The following R3HDM2 variants were observed in gnomAD, a reference collection of about 807,000 sequenced individuals.
R3HDM2 encodes the protein R3H domain-containing protein 2.
R3HDM2 carries 38 observed loss-of-function variants against 124.5 expected under a neutral mutation model. The observed-to-expected ratio is 0.31, with a 90% CI of 0.24 to 0.40. The LOEUF is 0.40. Ranked by LOEUF, R3HDM2 falls within the 10% of genes least tolerant of loss-of-function variation. R3HDM2 has a pLI of 1.00. For missense variants in R3HDM2, 869 were observed against 1,236.9 expected, an observed-to-expected ratio of 0.70 and a Z score of 4.46; for synonymous variants, 391 against 448.0, an observed-to-expected ratio of 0.87 and a Z score of 1.61.
chr12:57,274,910 T>A (rs532551965), intron 14 of R3HDM2, among the ~76,000 whole-genome samples: 1 of 151,980 alleles, frequency 6.6e-6, no homozygotes, highest in South Asian at 2.1e-4. Context: ...ATCTACAAAT[T>A]CAATGCAATC....
intron 3 of R3HDM2, among the ~76,000 whole-genome samples, chr12:57,309,363 C>A (rs1342603577): frequency 6.6e-6 from 1 of 152,174 alleles, no homozygotes; most frequent in Non-Finnish European, 1.5e-5. Flanking sequence ...AGAATAAGGG[C>A]TCTAACAGGT....
chr12:57,414,007 A>G (rs2069286204), intron 1 of R3HDM2, among the ~76,000 whole-genome samples: 2 of 150,378 alleles, frequency 1.3e-5, no homozygotes, highest in African/African-American at 2.4e-5. Context: ...CACCATACCC[A>G]GCTAAATTTT....
At chr12:57,365,302 T>G (rs894914459) in intron 2 of R3HDM2, among the ~76,000 whole-genome samples, 15 of 152,020 alleles carry the variant, frequency 9.9e-5, no homozygotes, top group Non-Finnish European at 2.2e-4. Context: ...CCAGTCAGAT[T>G]GGATTAGGGC....
Position 57,342,854 on chromosome 12 carries a change from C to T in R3HDM2, c.-35-32391G>A, listed in dbSNP as rs142952953. On this transcript the variant is annotated intron_variant, in intron 2 of 23. Coordinates refer to ENST00000402412, the MANE Select transcript of R3HDM2 (RefSeq NM_001394031.1). ...TTGTTATAGAGAATTTTCTTGCCAG[C>T]GAGCTATATTTAGTAAAATTGTTTT... Among the ~76,000 whole-genome samples the T allele has an allele frequency of 3.3e-5, 5 of 152,230 alleles. No individual in the cohort carries two copies. The East Asian group carries it at 7.7e-4, about 23-fold the overall frequency.
chr12:57,379,737 T>C (rs2064583293), intron 2 of R3HDM2, among the ~76,000 whole-genome samples: 1 of 152,184 alleles, frequency 6.6e-6, no homozygotes, highest in South Asian at 2.1e-4. Context: ...AAATATGAAG[T>C]GGTTATCTAA....
intron 2 of R3HDM2, among the ~76,000 whole-genome samples, chr12:57,361,362 C>G (rs370376440): frequency 2.0e-5 from 2 of 99,618 alleles, no homozygotes; most frequent in Non-Finnish European, 3.7e-5. Context: ...GCATCAAGAA[C>G]GAAACTCTGT....
At chr12:57,399,957 C>A (rs1429858735) in intron 1 of R3HDM2, among the ~76,000 whole-genome samples, 1 of 152,200 alleles carries the variant, frequency 6.6e-6, no homozygotes, top group African/African-American at 2.4e-5. Flanking sequence ...GATGGACTGA[C>A]AAGTCACTGA....
intron 2 of R3HDM2, among the ~76,000 whole-genome samples, chr12:57,367,572 G>A (rs896330611): frequency 1.3e-5 from 2 of 152,166 alleles, no homozygotes; most frequent in African/African-American, 4.8e-5. Context: ...AGCTCTGTAT[G>A]TGTATCCCTC....
chr12:57,334,351 C>A (rs1227403364), intron 2 of R3HDM2, among the ~76,000 whole-genome samples: 1 of 152,140 alleles, frequency 6.6e-6, no homozygotes, highest in Non-Finnish European at 1.5e-5. Flanking sequence ...ATAATAAATT[C>A]TGCAAAGTTA....
intron 1 of R3HDM2, among the ~76,000 whole-genome samples, chr12:57,425,521 C>T (rs772335302): frequency 1.3e-5 from 2 of 152,210 alleles, no homozygotes; most frequent in East Asian, 1.9e-4. Context: ...CACTTCAGGC[C>T]GGGCGTAGCA....
intron 2 of R3HDM2, among the ~76,000 whole-genome samples, chr12:57,356,970 G>C (rs1480556826): frequency 6.6e-6 from 1 of 152,050 alleles, no homozygotes; most frequent in Non-Finnish European, 1.5e-5. Flanking sequence ...GACAGGCGTG[G>C]TGGCGGGCTA....
intron 1 of R3HDM2, among the ~76,000 whole-genome samples, chr12:57,404,859 A>C (rs1418371665): frequency 6.6e-6 from 1 of 152,076 alleles, no homozygotes. Context: ...CTGTATTTGT[A>C]AAATACAGAT....
At chr12:57,309,023 A>C (rs1434637060) in intron 3 of R3HDM2, among the ~76,000 whole-genome samples, 2 of 152,252 alleles carry the variant, frequency 1.3e-5, no homozygotes, top group Non-Finnish European at 2.9e-5. Flanking sequence ...CAGGGCAGAG[A>C]CTGGTGAATT....
chr12:57,269,233 C>T (rs1421053310), intron 16 of R3HDM2, 90 bp downstream of exon 16: 1 of 1,564,358 alleles, frequency 6.4e-7, no homozygotes, highest in Non-Finnish European at 8.7e-7. Context: ...CCCCTAGACC[C>T]ACCTTCATTT....
intron 3 of R3HDM2, among the ~76,000 whole-genome samples, chr12:57,307,469 C>T (rs780517608): frequency 1.3e-4 from 20 of 151,456 alleles, no homozygotes; most frequent in African/African-American, 2.4e-5. Context: ...TACAAGCATG[C>T]GCCACCAGGC....
At chr12:57,350,294 T>C (rs1002666308) in intron 2 of R3HDM2, among the ~76,000 whole-genome samples, 11 of 152,088 alleles carry the variant, frequency 7.2e-5, no homozygotes, top group Admixed American at 5.9e-4. Context: ...CAATAAAAAA[T>C]GGGAGGAGAC....
At chr12:57,427,481 C>T (rs556702137) in intron 1 of R3HDM2, among the ~76,000 whole-genome samples, 1 of 150,642 alleles carries the variant, frequency 6.6e-6, no homozygotes, top group African/African-American at 2.4e-5. Context: ...TCCCAAGTAG[C>T]TGGGACTACA....
intron 2 of R3HDM2, among the ~76,000 whole-genome samples, chr12:57,312,927 TCAA>T (rs2054217034): frequency 1.9e-5 from 1 of 53,028 alleles, no homozygotes. Flanking sequence ...AGACTCTGGC[TCAA>T]AAAAAAAAAA....
chr12:57,366,230 C>G (rs952675279), intron 2 of R3HDM2, among the ~76,000 whole-genome samples: 8 of 152,088 alleles, frequency 5.3e-5, no homozygotes, highest in African/African-American at 1.9e-4. Flanking sequence ...CGTTGGTTCA[C>G]TGCAGCCTTG....
Sources: allele counts gnomAD v4.1 joint callset (sites outside exome capture counted in the v4.1 genomes callset), GRCh38; gene constraint gnomAD v4.1.1; transcripts MANE v1.5; gene names NCBI Gene and HGNC (gene_info 2026-07-23, HGNC 2026-07-21).